Variants in TDRD10 observed in about 807,000 individuals in gnomAD.
TDRD10 encodes the protein tudor domain-containing protein 10.
A neutral mutation model predicts 48.0 loss-of-function variants in TDRD10; 40 were observed. The ratio of observed to expected loss-of-function variants is 0.83; its 90% CI spans 0.65 to 1.09. TDRD10 has a LOEUF of 1.09. Among genes scored for constraint, TDRD10 ranks in the 50% least tolerant of loss-of-function variants. TDRD10 has a pLI of 0.00. For missense variants in TDRD10, 378 were observed against 434.7 expected (o/e 0.87, Z 1.16); for synonymous variants, 162 against 170.4 (o/e 0.95, Z 0.38).
At chr1:154,545,057 GTC>G (rs1695475509) in intron 11 of TDRD10, 108 bp downstream of exon 11, 1 of 1,438,244 alleles carries the variant, frequency 7.0e-7, no homozygotes, top group African/African-American at 1.4e-5. Flanking sequence ...AGGTGCTTCA[GTC>G]TCTCTTTCCA....
chr1:154,544,062 G>A lies in TDRD10; in HGVS notation c.603G>A (p.Thr201=), dbSNP rs532940684. 4.9e-5 allele frequency: 79 copies of A among 1,614,084 alleles called. No homozygotes were observed. The highest frequency in any genetic ancestry group is 3.3e-4 in the Middle Eastern group (2 of 6,084). ...SVRGEAGLLV[T]SIVPKTPFFW... Reference sequence around the variant, plus strand: ...GTGGGGAGGCGGGGCTGCTGGTGACGAGTATCGTCCCGAAGACCCCGTTTT... The same window carrying A: ...GTGGGGAGGCGGGGCTGCTGGTGACAAGTATCGTCCCGAAGACCCCGTTTT... Residue 201 remains threonine (T), a synonymous_variant, in exon 9 of 13, where the codon ACG becomes ACA. Coordinates refer to ENST00000368482, the MANE Select transcript of TDRD10 (RefSeq NM_182499.4).
chr1:154,539,326 G>A (rs1242007346), intron 6 of TDRD10, among the ~76,000 whole-genome samples: 1 of 151,644 alleles, frequency 6.6e-6, no homozygotes, highest in Admixed American at 6.6e-5. Flanking sequence ...TTTTTAAACA[G>A]AGTCTCACTT....
chr1:154,502,883 G>C lies in TDRD10; in HGVS notation c.-174G>C, dbSNP rs1297631215. The C allele has an allele frequency of 1.3e-5, 2 of 152,262 alleles. No homozygotes were observed. Among genetic ancestry groups the C allele is most frequent in the Non-Finnish European group, 2.9e-5 (2 of 68,078 alleles). The allele number at this position is 152,262 out of a possible 1,614,324, so 9.4% of individuals were successfully genotyped here. On this transcript the variant is annotated 5_prime_UTR_variant, in exon 1 of 13. Transcript: ENST00000368482. ...TGGCACACGGTCCTGGGCAGCGCGA[G>C]GCTCTTCCCGCCGTGGCCGCCGGGG...
intron 4 of TDRD10, among the ~76,000 whole-genome samples, chr1:154,518,717 C>T (rs1019293715): frequency 6.6e-6 from 1 of 152,210 alleles, no homozygotes. Context: ...GCAGGTGAGC[C>T]ACTGTGCCCA....
chr1:154,507,574 T>G (rs1044041824), intron 3 of TDRD10, among the ~76,000 whole-genome samples: 4 of 152,166 alleles, frequency 2.6e-5, no homozygotes, highest in Non-Finnish European at 5.9e-5. Context: ...CATTTGTGCC[T>G]TCTTCCAATT....
At chr1:154,518,093 C>T (rs893686946) in intron 4 of TDRD10, among the ~76,000 whole-genome samples, 3 of 152,212 alleles carry the variant, frequency 2.0e-5, no homozygotes, top group African/African-American at 7.2e-5. Context: ...AATGCTGATG[C>T]CTTAACTAAT....
At position 154,546,307 on chromosome 1, in the gene TDRD10, C is replaced by T. The variant is rs1010777155; in HGVS notation, c.953-1102C>T. On this transcript the variant is annotated intron_variant, in intron 11 of 12. Transcript: ENST00000368482. The stretch of plus-strand genomic sequence containing the variant: ...CAGGCTGGTCTCGAACTCCTGACCT[C>T]GTGATCTGCCCTCCTCGGCCTCCCA... 3.2e-4 allele frequency among the ~76,000 whole-genome samples: 48 copies of T among 150,096 alleles called. 1 individual carries two copies. The highest frequency in any genetic ancestry group is 1.1e-3 in the African/African-American group (44 of 40,862).
intron 6 of TDRD10, among the ~76,000 whole-genome samples, chr1:154,523,830 A>G (rs1380115298): frequency 1.3e-5 from 2 of 152,148 alleles, no homozygotes; most frequent in African/African-American, 4.8e-5. Context: ...TGGTCTCAGT[A>G]TATGTGCATG....
intron 11 of TDRD10, among the ~76,000 whole-genome samples, chr1:154,545,805 C>T (rs1472434256): frequency 7.0e-6 from 1 of 141,848 alleles, no homozygotes; most frequent in Non-Finnish European, 1.5e-5. Flanking sequence ...GAGTCTCGTT[C>T]TGTCACCCAG....
intron 6 of TDRD10, among the ~76,000 whole-genome samples, chr1:154,532,296 G>A (rs971330469): frequency 2.0e-5 from 3 of 152,234 alleles, no homozygotes; most frequent in Admixed American, 6.5e-5. Context: ...GGCCAGCACT[G>A]CTGCGGGACC....
chr1:154,531,458 C>T (rs942777551), intron 6 of TDRD10, among the ~76,000 whole-genome samples: 1 of 152,126 alleles, frequency 6.6e-6, no homozygotes, highest in African/African-American at 2.4e-5. Flanking sequence ...CTGGTGGGTT[C>T]GTGGTCTCGC....
intron 11 of TDRD10, 39 bp from the exon 12 acceptor site, chr1:154,547,370 C>T (rs777640723): frequency 1.2e-5 from 19 of 1,612,616 alleles, no homozygotes; most frequent in East Asian, 2.2e-5. Context: ...TGCCCAACCC[C>T]GTGCCACTGA....
chr1:154,536,099 C>T (rs183421379), intron 6 of TDRD10, among the ~76,000 whole-genome samples: 1 of 152,292 alleles, frequency 6.6e-6, no homozygotes, highest in African/African-American at 2.4e-5. Flanking sequence ...GGTTGCAGGC[C>T]GGGCGCAGTG....
rs369037268 is a variant in TDRD10, at chr1:154,506,867, G to T, written c.-27-10G>T. On this transcript the variant is annotated splice_polypyrimidine_tract_variant and intron_variant, in intron 1 of 12. Coordinates refer to ENST00000368482, the MANE Select transcript of TDRD10 (RefSeq NM_182499.4). ...GGCATTCCTCTAACTGTGGCCGGTT[G>T]GTTTTGTAGGAGATCCTGTTGGAAA... is the stretch of plus-strand genomic sequence containing the variant. The T allele has an allele frequency of 1.6e-5, 26 of 1,612,100 alleles. No homozygotes were observed. Among genetic ancestry groups the T allele is most frequent in the Non-Finnish European group, 2.1e-5 (25 of 1,178,228 alleles).
intron 12 of TDRD10, 31 bp from the exon 13 acceptor site, chr1:154,547,647 T>C (rs1222837960): frequency 1.9e-6 from 3 of 1,614,110 alleles, no homozygotes; most frequent in African/African-American, 1.3e-5. Context: ...TGGGCCTTCC[T>C]TCCCACCAAG....
chr1:154,521,560 A>G (rs1694061523), intron 6 of TDRD10, 81 bp downstream of exon 6: 1 of 1,488,324 alleles, frequency 6.7e-7, no homozygotes, highest in Non-Finnish European at 9.2e-7. Flanking sequence ...CAGTGCTTTC[A>G]TCCTCCTCCA....
chr1:154,520,301 T>A lies in TDRD10; in HGVS notation c.142-3T>A. The A allele has an allele frequency of 6.2e-7, 1 of 1,611,396 alleles. No homozygotes were observed. Among genetic ancestry groups the A allele is most frequent in the Non-Finnish European group, 8.5e-7 (1 of 1,177,526 alleles). On this transcript the variant is annotated splice_region_variant and splice_polypyrimidine_tract_variant and intron_variant, in intron 4 of 12. Transcript: ENST00000368482. ...CTCTCTCTTTTAAACCCTGCTGTTGTAGGAGGAAATTCTGTACCTTCTAAA... is the reference window on the plus strand; with the variant it reads ...CTCTCTCTTTTAAACCCTGCTGTTGAAGGAGGAAATTCTGTACCTTCTAAA...
rs1219210943 is a variant in TDRD10 at position 154,545,022 on chromosome 1, C to T, written c.952+73C>T. On this transcript the variant is annotated intron_variant, in intron 11 of 12. Transcript: ENST00000368482. ...GCCATGGTTGCTTCTGGGACCTGAA[C>T]AGGAAGCAGCATAGTGGGCGGCCAA... 4 of 1,568,760 alleles carry T rather than the reference C, an allele frequency of 2.5e-6. No individual in the cohort carries two copies. The South Asian group carries it at 3.5e-5, about 14-fold the overall frequency.
At chr1:154,542,926 C>T (rs1339896137) in intron 8 of TDRD10, 105 bp downstream of exon 8, 9 of 883,652 alleles carry the variant, frequency 1.0e-5, no homozygotes, top group East Asian at 2.7e-5. Flanking sequence ...GGATAGTTTT[C>T]GGGAACTCCT....
Sources: allele counts gnomAD v4.1 joint callset (sites outside exome capture counted in the v4.1 genomes callset), GRCh38; gene constraint gnomAD v4.1.1; transcripts MANE v1.5; gene names NCBI Gene and HGNC (gene_info 2026-07-23, HGNC 2026-07-21).